ADARB1: variants seen among roughly 807,000 people sequenced by gnomAD.
ADARB1 encodes the protein double-stranded RNA-specific editase 1.
In ADARB1, 10 loss-of-function variants were observed where a neutral mutation model predicts 52.4. The ratio of observed to expected loss-of-function variants is 0.19; its 90% CI spans 0.12 to 0.32. ADARB1 has a LOEUF of 0.32. ADARB1 is among the 10% of genes least tolerant of loss of function. The pLI is 1.00. For missense variants in ADARB1, 643 were observed against 922.3 expected, an observed-to-expected ratio of 0.70 and a Z score of 3.92; for synonymous variants, 349 against 371.1, an observed-to-expected ratio of 0.94 and a Z score of 0.68.
At position 45,204,493 on chromosome 21, in the gene ADARB1, G is replaced by C; in HGVS notation, c.1566-62G>C. 6.5e-7 allele frequency: 1 copy of C among 1,545,610 alleles called. No individual in the cohort carries two copies. On this transcript the variant is annotated intron_variant, in intron 8 of 10. Coordinates refer to ENST00000348831, the MANE Select transcript of ADARB1 (RefSeq NM_001112.4). The surrounding 1 kb of genome is among the most constrained non-coding windows in gnomAD (Gnocchi z 4.4). ...GCATCCCTGTAACCACGCAGGCTTG[G>C]GCTGGGCTGCGTCGACACTGAGTCC...
rs375029077 is a variant in ADARB1 at position 45,154,350 on chromosome 21, A to G, written c.-47-17260A>G. On this transcript the variant is annotated intron_variant, in intron 2 of 10. Transcript: ENST00000348831. ...TCGCTGTTGGTATTTTGTAATAAGC[A>G]TTATCTTTGAAACTAATAAAAATAC... Among the ~76,000 whole-genome samples, 261 of 152,344 alleles carry G rather than the reference A, an allele frequency of 1.7e-3. 1 individual carries two copies. The highest frequency in any genetic ancestry group is 6.2e-3 in the African/African-American group (256 of 41,570).
chr21:45,174,906 G>A (rs1271822657), intron 3 of ADARB1, among the ~76,000 whole-genome samples: 1 of 152,094 alleles, frequency 6.6e-6, no homozygotes, highest in Non-Finnish European at 1.5e-5. Flanking sequence ...TCACCAGAAA[G>A]TGTATTTATG....
rs775199908 is a variant in ADARB1, at chr21:45,175,703, G to GT, written c.29-26dup. On this transcript the variant is annotated intron_variant, in intron 3 of 10. Transcript: ENST00000348831. ...TACAAGATCCTGCAACGAAGGCATT[G>GT]TAAGTTACTCTTTCTGGGCACCACA... 5.6e-6 allele frequency: 9 copies of GT among 1,610,524 alleles called. No homozygotes were observed. In the South Asian group the frequency reaches 9.9e-5, roughly 18 times the overall value.
At chr21:45,122,061 C>G (rs1023736985) in intron 1 of ADARB1, among the ~76,000 whole-genome samples, 1 of 152,218 alleles carries the variant, frequency 6.6e-6, no homozygotes, top group Admixed American at 6.5e-5. Flanking sequence ...CTTTACTTGC[C>G]ACGAGCATAT....
chr21:45,147,710 C>T (rs403694), intron 2 of ADARB1, among the ~76,000 whole-genome samples: 79,579 of 152,010 alleles, frequency 0.52, 20,966 homozygotes, highest in South Asian at 0.56. Context: ...GGTCGTGCCC[C>T]GCGTGTTGCT....
intron 1 of ADARB1, among the ~76,000 whole-genome samples, chr21:45,120,228 A>C (rs1395651375): frequency 6.6e-6 from 1 of 152,190 alleles, no homozygotes; most frequent in East Asian, 1.9e-4. Flanking sequence ...GCCCATGGTG[A>C]GGGCTGTCTT....
intron 9 of ADARB1, among the ~76,000 whole-genome samples, chr21:45,215,393 T>C (rs1030011444): frequency 2.0e-5 from 3 of 152,206 alleles, no homozygotes; most frequent in Non-Finnish European, 4.4e-5. Context: ...AGACATTTTT[T>C]TTTTCTATTT....
rs1052255056 is a variant in ADARB1 at position 45,203,079 on chromosome 21, C to T, written c.1566-1476C>T. 7.2e-5 allele frequency among the ~76,000 whole-genome samples: 11 copies of T among 152,362 alleles called. 1 individual carries two copies. The South Asian group carries it at 8.3e-4, about 11-fold the overall frequency. ...GACGCCACTTCGTAAAATGCGCATG[C>T]GCCAGCCCCTCCCCTGAGACACTCC... is the stretch of plus-strand genomic sequence containing the variant. On this transcript the variant is annotated intron_variant, in intron 8 of 10. Transcript: ENST00000348831.
At chr21:45,185,215 G>A in intron 8 of ADARB1, 124 bp downstream of exon 8, 1 of 1,298,980 alleles carries the variant, frequency 7.7e-7, no homozygotes, top group Middle Eastern at 2.7e-4. Flanking sequence ...GTGTTCCACA[G>A]TATTCTTTGA....
chr21:45,121,164 T>C (rs1487615226), intron 1 of ADARB1, among the ~76,000 whole-genome samples: 2 of 152,220 alleles, frequency 1.3e-5, no homozygotes, highest in African/African-American at 4.8e-5. Context: ...TTTTGTTCGC[T>C]GGAACGGTAT....
chr21:45,094,297 C>T (rs1021334851), intron 1 of ADARB1, among the ~76,000 whole-genome samples: 4 of 152,114 alleles, frequency 2.6e-5, no homozygotes, highest in Non-Finnish European at 4.4e-5. Context: ...GCTGTTGGTC[C>T]GTGTCTTTAT....
chr21:45,133,695 C>CG, intron 2 of ADARB1: 1 of 276,094 alleles, frequency 3.6e-6, no homozygotes, highest in Non-Finnish European at 7.1e-6. Flanking sequence ...GTGTGCCCGA[C>CG]GGTGTGTGCG....
intron 2 of ADARB1, among the ~76,000 whole-genome samples, chr21:45,140,070 A>G (rs1213627722): frequency 2.0e-5 from 3 of 148,952 alleles, no homozygotes; most frequent in Non-Finnish European, 4.4e-5. Flanking sequence ...CAGCCTCCCT[A>G]GTAGCTGGGA....
intron 2 of ADARB1, among the ~76,000 whole-genome samples, chr21:45,140,339 A>G (rs1400854641): frequency 1.3e-5 from 2 of 152,170 alleles, no homozygotes; most frequent in Non-Finnish European, 2.9e-5. Flanking sequence ...TGTCCTACCC[A>G]TCAGGGCCCA....
At chr21:45,149,856 G>A (rs1057179031) in intron 2 of ADARB1, among the ~76,000 whole-genome samples, 2 of 152,206 alleles carry the variant, frequency 1.3e-5, no homozygotes, top group African/African-American at 2.4e-5. Context: ...TTTGTGCAGT[G>A]TTTACAGTTT....
In ADARB1 at chr21:45,128,273, T is replaced by C. The variant is rs1356940921; in HGVS notation, c.-219-129T>C. ...TTCGGAAGAGTACATTTAAAATAACTTAAATTTGTATTTAGAAGACTTTTC... is the reference window on the plus strand; with the variant it reads ...TTCGGAAGAGTACATTTAAAATAACCTAAATTTGTATTTAGAAGACTTTTC... On this transcript the variant is annotated intron_variant, in intron 1 of 10. Coordinates refer to ENST00000348831, the MANE Select transcript of ADARB1 (RefSeq NM_001112.4). The surrounding 1 kb of genome is among the most constrained non-coding windows in gnomAD (Gnocchi z 4.6). 1 of 152,240 alleles carries C rather than the reference T, an allele frequency of 6.6e-6. No individual in the cohort carries two copies. Among genetic ancestry groups the C allele is most frequent in the Non-Finnish European group, 1.5e-5 (1 of 68,034 alleles). 9.4% of individuals were successfully genotyped at this position (152,240 alleles called of 1,614,324 possible).
In ADARB1 at chr21:45,090,197, T is replaced by G. The variant is rs148749692; in HGVS notation, c.-220+15404T>G. The stretch of plus-strand genomic sequence containing the variant: ...TCACGTGGTTTTCCCTCCAGTCTGT[T>G]AATATAGCAAATTTCATTAATAGAT... On this transcript the variant is annotated intron_variant, in intron 1 of 10. Coordinates refer to ENST00000348831, the MANE Select transcript of ADARB1 (RefSeq NM_001112.4). 6.0e-3 allele frequency among the ~76,000 whole-genome samples: 914 copies of G among 152,350 alleles called. 33 individuals carry two copies. Among genetic ancestry groups the G allele is most frequent in the Admixed American group, 0.049 (757 of 15,298 alleles).
intron 2 of ADARB1, among the ~76,000 whole-genome samples, chr21:45,143,650 C>T (rs1482212898): frequency 6.6e-6 from 1 of 152,242 alleles, no homozygotes; most frequent in East Asian, 1.9e-4. Context: ...CGTCTCCTCT[C>T]ACTCTCTGTT....
chr21:45,082,123 A>G (rs1224396463), intron 1 of ADARB1, among the ~76,000 whole-genome samples: 5 of 152,186 alleles, frequency 3.3e-5, no homozygotes, highest in African/African-American at 1.2e-4. Flanking sequence ...TGATGTGATG[A>G]TGCCACGTTC....
Sources: gnomAD v4.1 joint callset for allele counts (sites outside exome capture counted in the v4.1 genomes callset) on GRCh38, gnomAD v4.1.1 for gene constraint, Gnocchi (gnomAD v3.1) non-coding constraint, MANE v1.5 for transcripts, NCBI Gene and HGNC (gene_info 2026-07-23, HGNC 2026-07-21) for gene names.